The following PCDH15 variants were observed in gnomAD, a reference collection of about 807,000 sequenced individuals.
PCDH15 encodes the protein protocadherin related 15.
Under a neutral mutation model 178.5 loss-of-function variants are expected in PCDH15, and 129 were observed. The observed-to-expected ratio is 0.72, with a 90% CI of 0.63 to 0.84. The LOEUF is 0.84. Among genes scored for constraint, PCDH15 ranks in the 40% least tolerant of loss-of-function variants. The pLI is 0.00. For missense variants in PCDH15, 2,230 were observed against 2,099.9 expected (o/e 1.06, Z -1.21); for synonymous variants, 800 against 732.0 (o/e 1.09, Z -1.50).
chr10:54,471,286 G>T (rs1390322117), intron 3 of PCDH15, among the ~76,000 whole-genome samples: 2 of 152,088 alleles, frequency 1.3e-5, no homozygotes, highest in Non-Finnish European at 2.9e-5. Flanking sequence ...GGTTGGTCTT[G>T]CTGTCTCAGT....
intron 21 of PCDH15, among the ~76,000 whole-genome samples, chr10:53,983,351 C>T (rs1293931054): frequency 7.2e-6 from 1 of 139,142 alleles, no homozygotes; most frequent in African/African-American, 2.8e-5. Flanking sequence ...CCTTAAAGGA[C>T]AAAAGAGAAA....
intron 2 of PCDH15, among the ~76,000 whole-genome samples, chr10:55,002,311 A>G (rs1257294986): frequency 6.6e-6 from 1 of 152,244 alleles, no homozygotes; most frequent in African/African-American, 2.4e-5. Flanking sequence ...TTAAAGTGAA[A>G]GATTATTTAC....
At chr10:54,716,057 T>G (rs554788248) in intron 1 of PCDH15, among the ~76,000 whole-genome samples, 1 of 152,264 alleles carries the variant, frequency 6.6e-6, no homozygotes, top group South Asian at 2.1e-4. Flanking sequence ...CTAGAATTCA[T>G]GCCTAGGCAC....
At chr10:54,959,162 GAGGAGGGGGAA>G in intron 2 of PCDH15, among the ~76,000 whole-genome samples, 1 of 151,988 alleles carries the variant, frequency 6.6e-6, no homozygotes, top group Admixed American at 6.6e-5. Context: ...AGAGAAAAAG[GAGGAGGGGGAA>G]AGGAGGAGAA....
chr10:53,925,218 C>A (rs765128293), intron 25 of PCDH15, among the ~76,000 whole-genome samples: 1 of 152,090 alleles, frequency 6.6e-6, no homozygotes, highest in East Asian at 1.9e-4. Flanking sequence ...ACACTCACCG[C>A]GAAGGTCTGC....
chr10:54,456,591 A>G (rs1187785150), intron 3 of PCDH15, among the ~76,000 whole-genome samples: 3 of 152,194 alleles, frequency 2.0e-5, no homozygotes, highest in African/African-American at 4.8e-5. Flanking sequence ...TTTCGAGTAC[A>G]TGCTGGAATG....
At chr10:55,115,416 C>T (rs1837606175) in intron 2 of PCDH15, among the ~76,000 whole-genome samples, 1 of 152,196 alleles carries the variant, frequency 6.6e-6, no homozygotes, top group Admixed American at 6.5e-5. Flanking sequence ...AGCGTTGGAA[C>T]AACAAGAATA....
chr10:55,177,516 G>A (rs1591967823), intron 1 of PCDH15, among the ~76,000 whole-genome samples: 1 of 152,146 alleles, frequency 6.6e-6, no homozygotes, highest in Non-Finnish European at 1.5e-5. Context: ...AGGATGGCCG[G>A]CCTGCCTCTG....
At chr10:54,850,914 A>G (rs2131765661) in intron 3 of PCDH15, among the ~76,000 whole-genome samples, 1 of 152,320 alleles carries the variant, frequency 6.6e-6, no homozygotes, top group Non-Finnish European at 1.5e-5. Flanking sequence ...AGCAATTGGA[A>G]TATATCAATG....
chr10:54,904,362 G>A (rs1333733464), intron 2 of PCDH15, among the ~76,000 whole-genome samples: 3 of 151,850 alleles, frequency 2.0e-5, no homozygotes, highest in Non-Finnish European at 2.9e-5. Context: ...TATACAAAGA[G>A]AAGAGACTAT....
intron 20 of PCDH15, among the ~76,000 whole-genome samples, 163 bp from the exon 21 acceptor site, chr10:53,995,928 A>T (rs2091820220): frequency 6.6e-6 from 1 of 152,194 alleles, no homozygotes; most frequent in East Asian, 1.9e-4. Flanking sequence ...CCTCAGAGGA[A>T]ACTGCCAGAG....
chr10:54,728,578 G>T (rs867984975), intron 1 of PCDH15, among the ~76,000 whole-genome samples: 1 of 151,322 alleles, frequency 6.6e-6, no homozygotes, highest in South Asian at 2.1e-4. Flanking sequence ...GATATTGGAA[G>T]TCCTAAACAG....
At chr10:55,339,683 C>T (rs1844496979) in intron 2 of PCDH15, among the ~76,000 whole-genome samples, 1 of 152,060 alleles carries the variant, frequency 6.6e-6, no homozygotes, top group Non-Finnish European at 1.5e-5. Flanking sequence ...AGCCATCTTA[C>T]AGAGGGACTG....
At chr10:54,174,313 AC>A (rs1478059743) in intron 13 of PCDH15, among the ~76,000 whole-genome samples, 5 of 151,920 alleles carry the variant, frequency 3.3e-5, no homozygotes, top group Non-Finnish European at 7.4e-5. Flanking sequence ...CAGGCAGATC[AC>A]GAGGTCAGGA....
At chr10:55,565,527 T>C (rs1443285247) in intron 2 of PCDH15, among the ~76,000 whole-genome samples, 2 of 151,198 alleles carry the variant, frequency 1.3e-5, no homozygotes, top group Non-Finnish European at 3.0e-5. Flanking sequence ...ATAGACAAAA[T>C]AGATGATAGA....
intron 31 of PCDH15, among the ~76,000 whole-genome samples, chr10:53,827,878 T>C (rs188301958): frequency 3.9e-5 from 6 of 152,306 alleles, no homozygotes; most frequent in Admixed American, 2.0e-4. Context: ...GTTTAATGAA[T>C]CTCTTTCATA....
At chr10:53,992,430 C>T (rs375608088) in intron 21 of PCDH15, among the ~76,000 whole-genome samples, 2 of 152,150 alleles carry the variant, frequency 1.3e-5, no homozygotes, top group East Asian at 1.9e-4. Flanking sequence ...TAAACAAGAA[C>T]CTTATAAATT....
At chr10:55,426,929 T>C (rs1838771931) in intron 2 of PCDH15, among the ~76,000 whole-genome samples, 1 of 152,142 alleles carries the variant, frequency 6.6e-6, no homozygotes, top group African/African-American at 2.4e-5. Context: ...ACCCACCTGC[T>C]TCTCTTCTCT....
rs1454704596 is a variant in PCDH15, at chr10:53,823,063, T to G, written c.4368-2833A>C. 7 of 1,614,074 alleles carry G rather than the reference T, an allele frequency of 4.3e-6. No homozygotes were observed. Among genetic ancestry groups the G allele is most frequent in the Non-Finnish European group, 5.1e-6 (6 of 1,179,984 alleles). On this transcript the variant is annotated intron_variant, in intron 32 of 37. Transcript: ENST00000644397. ...AGAGACTTACTCTTGGCTTGTATTT[T>G]GGGTGAAAATGGGTCTACAAAATCT... is the stretch of plus-strand genomic sequence containing the variant.
Sources: allele counts gnomAD v4.1 joint callset (sites outside exome capture counted in the v4.1 genomes callset), GRCh38; gene constraint gnomAD v4.1.1; transcripts MANE v1.5; gene names NCBI Gene and HGNC (gene_info 2026-07-23, HGNC 2026-07-21).